The following PCDH15 variants were observed in gnomAD, a reference collection of about 807,000 sequenced individuals.
The protein encoded by PCDH15 is protocadherin related 15, also known as protocadherin-15.
In PCDH15, 129 loss-of-function variants were observed where a neutral mutation model predicts 178.5. The observed-to-expected ratio is 0.72, with a 90% confidence interval of 0.63 to 0.84. The LOEUF is 0.84. PCDH15 is among the 40% of genes least tolerant of loss of function. The probability of loss-of-function intolerance (pLI) is 0.00; values close to 1 mark genes in which losing one functional copy is unlikely to be tolerated. For missense variants in PCDH15, 2,230 were observed against 2,099.9 expected, an observed-to-expected ratio of 1.06 and a Z score of -1.21; for synonymous variants, 800 against 732.0, an observed-to-expected ratio of 1.09 and a Z score of -1.50.
chr10:53,909,989 A>G (rs1270596827), intron 25 of PCDH15, among the ~76,000 whole-genome samples: 1 of 152,174 alleles, frequency 6.6e-6, no homozygotes, highest in Non-Finnish European at 1.5e-5. Flanking sequence ...GAGTAGGTAA[A>G]CAAAGTGGCT....
intron 3 of PCDH15, among the ~76,000 whole-genome samples, chr10:54,845,475 G>A (rs527895068): frequency 1.6e-4 from 24 of 152,130 alleles, no homozygotes; most frequent in Middle Eastern, 6.8e-3. Flanking sequence ...TTGCCATTCC[G>A]TAATTTGACC....
At chr10:55,027,232 TG>T (rs1564729257) in intron 2 of PCDH15, among the ~76,000 whole-genome samples, 1 of 151,876 alleles carries the variant, frequency 6.6e-6, no homozygotes, top group Non-Finnish European at 1.5e-5. Context: ...GAGGGTGACA[TG>T]CTTTACAGTT....
At chr10:53,941,359 T>A (rs1025354653) in intron 23 of PCDH15, among the ~76,000 whole-genome samples, 1 of 152,164 alleles carries the variant, frequency 6.6e-6, no homozygotes, top group South Asian at 2.1e-4. Flanking sequence ...TGGCAACCAC[T>A]GATCTTTGTA....
chr10:55,471,103 T>G (rs1175375111), intron 2 of PCDH15, among the ~76,000 whole-genome samples: 1 of 152,206 alleles, frequency 6.6e-6, no homozygotes, highest in Non-Finnish European at 1.5e-5. Flanking sequence ...TTGGTAGTTA[T>G]GAATAATGCT....
Position 55,438,124 on chromosome 10 carries a change from T to G in PCDH15, c.-156+189501A>C, listed in dbSNP as rs186367041. Among the ~76,000 whole-genome samples the G allele has an allele frequency of 4.7e-3, 712 of 151,990 alleles. 7 individuals carry two copies. The highest frequency in any genetic ancestry group is 0.016 in the African/African-American group (676 of 41,464). The stretch of plus-strand genomic sequence containing the variant: ...TGCTGGGAGTACAGGCATGAGCCCC[T>G]GCGCCTGGCCTCTCTTTCTTATTTC... On this transcript the variant is annotated intron_variant, in intron 2 of 5. Coordinates refer to the PCDH15 transcript ENST00000613346.
At chr10:54,623,845 A>G (rs2093462014) in intron 2 of PCDH15, among the ~76,000 whole-genome samples, 1 of 152,138 alleles carries the variant, frequency 6.6e-6, no homozygotes, top group Non-Finnish European at 1.5e-5. Flanking sequence ...AACTATTACT[A>G]GGATCCATTA....
intron 2 of PCDH15, among the ~76,000 whole-genome samples, chr10:55,143,690 C>T (rs1936455): frequency 0.52 from 79,382 of 151,668 alleles, 21,276 homozygotes; most frequent in South Asian, 0.65. Flanking sequence ...AAGTAGAGAC[C>T]AGTAATTGCA....
At chr10:54,395,837 A>G (rs1213961386) in intron 3 of PCDH15, among the ~76,000 whole-genome samples, 1 of 152,196 alleles carries the variant, frequency 6.6e-6, no homozygotes, top group Non-Finnish European at 1.5e-5. Flanking sequence ...TATCTAATAC[A>G]TTTTAGAGTA....
chr10:54,863,339 G>T (rs990112680), intron 3 of PCDH15, among the ~76,000 whole-genome samples: 2 of 152,050 alleles, frequency 1.3e-5, no homozygotes, highest in Non-Finnish European at 2.9e-5. Context: ...TCAGGAGATC[G>T]AGACCATCCT....
chr10:55,293,808 T>C (rs576679872), intron 1 of PCDH15, among the ~76,000 whole-genome samples: 2 of 152,304 alleles, frequency 1.3e-5, no homozygotes, highest in East Asian at 3.9e-4. Flanking sequence ...GCCATTCAAC[T>C]AGTCTCTAGG....
At chr10:54,613,539 A>G (rs2093033979) in intron 2 of PCDH15, among the ~76,000 whole-genome samples, 1 of 151,284 alleles carries the variant, frequency 6.6e-6, no homozygotes, top group African/African-American at 2.4e-5. Context: ...ACACATACAC[A>G]TATGCACAAG....
chr10:54,755,384 C>A (rs1222876232), intron 1 of PCDH15, among the ~76,000 whole-genome samples: 2 of 152,074 alleles, frequency 1.3e-5, no homozygotes, highest in Non-Finnish European at 2.9e-5. Context: ...GAGACTGAGC[C>A]AAATCAAGTT....
At chr10:54,068,630 A>T (rs1391874707) in intron 17 of PCDH15, among the ~76,000 whole-genome samples, 1 of 152,180 alleles carries the variant, frequency 6.6e-6, no homozygotes, top group African/African-American at 2.4e-5. Flanking sequence ...CATTTATATA[A>T]ACTTCAAAAA....
At chr10:55,490,608 T>G (rs763521818) in intron 2 of PCDH15, among the ~76,000 whole-genome samples, 6 of 151,766 alleles carry the variant, frequency 4.0e-5, no homozygotes, top group East Asian at 1.9e-4. Context: ...CTCTAGACTT[T>G]ACTTTAGAAA....
intron 32 of PCDH15, 41 bp from the exon 33 acceptor site, chr10:53,820,271 A>G (rs1256598435): frequency 7.6e-6 from 3 of 397,214 alleles, no homozygotes; most frequent in Non-Finnish European, 1.3e-5. Context: ...ATCACGTTCA[A>G]GAACCCCAAG....
intron 9 of PCDH15, among the ~76,000 whole-genome samples, chr10:54,224,582 C>G: frequency 6.6e-6 from 1 of 151,938 alleles, no homozygotes; most frequent in East Asian, 1.9e-4. Context: ...TATTCCATTC[C>G]TCTGACATTA....
intron 2 of PCDH15, among the ~76,000 whole-genome samples, chr10:54,613,591 C>G (rs755105555): frequency 2.6e-5 from 4 of 151,448 alleles, no homozygotes; most frequent in African/African-American, 4.8e-5. Flanking sequence ...AGAGTAGGGT[C>G]TCTGACAAAT....
rs149343260 is a variant in PCDH15 at position 54,012,764 on chromosome 10, C to A, written c.2751+7428G>T. Among the ~76,000 whole-genome samples, 892 of 152,174 alleles carry A rather than the reference C, an allele frequency of 5.9e-3. 5 individuals are homozygous for A. Among genetic ancestry groups the A allele is most frequent in the African/African-American group, 0.02 (825 of 41,524 alleles). The stretch of plus-strand genomic sequence containing the variant: ...AAATTCTAAGGGAATTTATTACAAC[C>A]AGGCCTGCCTTATAAGAGCTCCTGA... On this transcript the variant is annotated intron_variant, in intron 20 of 37. Coordinates refer to ENST00000644397, the MANE Select transcript of PCDH15 (RefSeq NM_001384140.1).
chr10:55,303,789 C>T (rs556909299), intron 1 of PCDH15, among the ~76,000 whole-genome samples: 1 of 151,902 alleles, frequency 6.6e-6, no homozygotes, highest in East Asian at 1.9e-4. Flanking sequence ...ATAAATTGTG[C>T]CTGTCTCTGT....
Sources: gnomAD v4.1 joint callset for allele counts (sites outside exome capture counted in the v4.1 genomes callset) on GRCh38, gnomAD v4.1.1 for gene constraint, MANE v1.5 for transcripts, NCBI Gene and HGNC (gene_info 2026-07-23, HGNC 2026-07-21) for gene names.